The following TMC1 variants were observed in gnomAD, a reference collection of about 807,000 sequenced individuals.
TMC1 encodes the protein transmembrane channel-like protein 1.
A neutral mutation model predicts 105.8 loss-of-function variants in TMC1; 84 were observed. The observed-to-expected ratio is 0.79, with a 90% CI of 0.67 to 0.95. TMC1 has a LOEUF of 0.95. Among genes scored for constraint, TMC1 ranks in the 40% least tolerant of loss-of-function variants. TMC1 has a pLI of 0.00. For missense variants in TMC1, 817 were observed against 914.1 expected (o/e 0.89, Z 1.37); for synonymous variants, 315 against 311.5 (o/e 1.01, Z -0.12).
chr9:72,792,294 T>A lies in TMC1; in HGVS notation c.1508T>A (p.Phe503Tyr). 6.2e-7 allele frequency: 1 copy of A among 1,614,148 alleles called. No homozygotes were observed. Among genetic ancestry groups the A allele is most frequent in the Non-Finnish European group, 8.5e-7 (1 of 1,180,018 alleles). The change falls in exon 17 of 24, where the codon TTT (phenylalanine) becomes TAT (tyrosine). Residue 503 changes from phenylalanine to tyrosine, a missense_variant. Transcript: ENST00000297784. ...SFSENSTGPP[F>Y]FVHPADVPRG... ...TCTGAAAATAGCACTGGACCACCCT[T>A]TTTTGTTCACCCTGCAGATGTACCT...
chr9:72,547,988 G>C (rs1823800680), intron 1 of TMC1, among the ~76,000 whole-genome samples: 1 of 152,164 alleles, frequency 6.6e-6, no homozygotes, highest in Admixed American at 6.5e-5. Flanking sequence ...AGAGAGCAGA[G>C]AACAGACCAT....
chr9:72,785,470 T>G (rs1253043797), intron 13 of TMC1, among the ~76,000 whole-genome samples: 1 of 152,198 alleles, frequency 6.6e-6, no homozygotes, highest in Non-Finnish European at 1.5e-5. Flanking sequence ...CCTTATTAGG[T>G]CAAAAACTTT....
chr9:72,831,482 C>T (rs1015333960), intron 23 of TMC1, among the ~76,000 whole-genome samples: 1 of 151,998 alleles, frequency 6.6e-6, no homozygotes, highest in Non-Finnish European at 1.5e-5. Flanking sequence ...TACATGTGCA[C>T]AACGTGCAGG....
intron 23 of TMC1, 39 bp from the exon 24 acceptor site, chr9:72,835,912 C>CTTTTTTTTTT: frequency 2.8e-6 from 4 of 1,436,374 alleles, no homozygotes; most frequent in East Asian, 2.3e-5. Context: ...TCTCTCTCTC[C>CTTTTTTTTTT]TTGTTTTTTT....
chr9:72,762,742 T>A (rs1419511406), intron 12 of TMC1, among the ~76,000 whole-genome samples: 1 of 152,168 alleles, frequency 6.6e-6, no homozygotes, highest in Non-Finnish European at 1.5e-5. Flanking sequence ...ATTCCTCCAA[T>A]GGCTTTGCTG....
intron 11 of TMC1, among the ~76,000 whole-genome samples, chr9:72,752,397 A>G (rs1054654844): frequency 6.6e-6 from 1 of 152,028 alleles, no homozygotes; most frequent in Non-Finnish European, 1.5e-5. Context: ...TACTGAAGAA[A>G]CACAAAATGA....
intron 2 of TMC1, among the ~76,000 whole-genome samples, chr9:72,611,466 A>G (rs1587988131): frequency 6.6e-6 from 1 of 152,252 alleles, no homozygotes. Context: ...AGTCATGAGA[A>G]ACTGAGCATC....
At chr9:72,835,742 C>CT (rs1829111791) in intron 23 of TMC1, among the ~76,000 whole-genome samples, 1 of 151,876 alleles carries the variant, frequency 6.6e-6, no homozygotes, top group Non-Finnish European at 1.5e-5. Flanking sequence ...TATGTGAAGC[C>CT]TTTGCAAACT....
chr9:72,628,717 A>T (rs1247734012), intron 4 of TMC1, among the ~76,000 whole-genome samples: 1 of 152,252 alleles, frequency 6.6e-6, no homozygotes, highest in East Asian at 1.9e-4. Flanking sequence ...AAGCAAAATT[A>T]ATGAGGCAAA....
In TMC1 at chr9:72,694,655, G is replaced by A. The variant is rs751950994; in HGVS notation, c.177G>A (p.Glu59=). The A allele has an allele frequency of 4.3e-6, 7 of 1,612,400 alleles. No homozygotes were observed. Among genetic ancestry groups the A allele is most frequent in the Non-Finnish European group, 5.9e-6 (7 of 1,179,240 alleles). Residue 59 remains glutamate (E), a synonymous_variant, in exon 7 of 24, where the codon GAG becomes GAA. Coordinates refer to ENST00000297784, the MANE Select transcript of TMC1 (RefSeq NM_138691.3). ...INEDDPEPEP[E]DEETRKAREK... ...AGGATGACCCAGAACCTGAACCAGAGGATGAAGAAACAAGGAAGGCAAGAG... is the reference window on the plus strand; with the variant it reads ...AGGATGACCCAGAACCTGAACCAGAAGATGAAGAAACAAGGAAGGCAAGAG...
intron 2 of TMC1, among the ~76,000 whole-genome samples, chr9:72,597,654 G>T (rs1564434301): frequency 6.6e-6 from 1 of 152,196 alleles, no homozygotes; most frequent in Non-Finnish European, 1.5e-5. Context: ...CCAGAGATAA[G>T]GGGTCCCCCA....
chr9:72,548,812 C>A (rs1823813865), intron 1 of TMC1, among the ~76,000 whole-genome samples: 1 of 152,132 alleles, frequency 6.6e-6, no homozygotes, highest in Non-Finnish European at 1.5e-5. Flanking sequence ...ATAGTGAGAT[C>A]CCATCTCTAA....
intron 1 of TMC1, among the ~76,000 whole-genome samples, chr9:72,533,898 C>T (rs975393729): frequency 5.3e-5 from 8 of 152,014 alleles, no homozygotes; most frequent in Admixed American, 2.6e-4. Flanking sequence ...TTTGGGAGGC[C>T]GAGGGAGGTG....
chr9:72,578,671 AAGG>A (rs1824428311), intron 2 of TMC1, among the ~76,000 whole-genome samples: 2 of 152,206 alleles, frequency 1.3e-5, no homozygotes. Context: ...TTACTGAAAT[AAGG>A]ATTTCTAATA....
At chr9:72,618,694 T>A (rs1001536487) in intron 3 of TMC1, among the ~76,000 whole-genome samples, 8 of 152,164 alleles carry the variant, frequency 5.3e-5, no homozygotes, top group African/African-American at 1.9e-4. Flanking sequence ...ATAATACATA[T>A]GTTAATGTAA....
At chr9:72,641,881 G>A (rs182477136) in intron 4 of TMC1, among the ~76,000 whole-genome samples, 13 of 143,654 alleles carry the variant, frequency 9.0e-5, no homozygotes, top group African/African-American at 2.4e-4. Context: ...GCAGTGGTGC[G>A]ATCTCGGCTC....
intron 18 of TMC1, among the ~76,000 whole-genome samples, chr9:72,811,776 C>T (rs953150094): frequency 6.6e-6 from 1 of 152,090 alleles, no homozygotes; most frequent in African/African-American, 2.4e-5. Flanking sequence ...TCAGGATTAT[C>T]CATAAATAAG....
At chr9:72,750,064 G>A (rs530096866) in intron 10 of TMC1, among the ~76,000 whole-genome samples, 34 of 152,182 alleles carry the variant, frequency 2.2e-4, no homozygotes, top group African/African-American at 6.5e-4. Flanking sequence ...CCAAGATTGC[G>A]CCACTGCACT....
chr9:72,532,170 ATCT>A (rs1823507738), intron 1 of TMC1, among the ~76,000 whole-genome samples: 1 of 151,970 alleles, frequency 6.6e-6, no homozygotes, highest in Non-Finnish European at 1.5e-5. Context: ...ACCTCAGGTT[ATCT>A]GCCTGCCTTG....
Sources: allele counts gnomAD v4.1 joint callset (sites outside exome capture counted in the v4.1 genomes callset), GRCh38; gene constraint gnomAD v4.1.1; transcripts MANE v1.5; gene names NCBI Gene and HGNC (gene_info 2026-07-23, HGNC 2026-07-21).